Variants in LYST observed in about 807,000 individuals in gnomAD.
LYST encodes lysosomal-trafficking regulator.
A neutral mutation model predicts 413.6 loss-of-function variants in LYST; 192 were observed. That is an observed-to-expected ratio of 0.46 (90% CI 0.41 to 0.52). The LOEUF is 0.52. Among genes scored for constraint, LYST ranks in the 20% least tolerant of loss-of-function variants. The pLI, the probability that LYST is intolerant of heterozygous loss-of-function variation, is 0.00. For missense variants in LYST, 3,815 were observed against 4,499.9 expected (o/e 0.85, Z 4.35); for synonymous variants, 1,525 against 1,567.3 (o/e 0.97, Z 0.64).
At chr1:235,754,224 CTTTTCTTTTTTTTTTT>C (rs1558192401) in intron 25 of LYST, among the ~76,000 whole-genome samples, 3 of 111,362 alleles carry the variant, frequency 2.7e-5, no homozygotes. Flanking sequence ...TTTTTCTTTT[CTTTTCTTTTTTTTTTT>C]TTTTTTTTTG....
Position 235,829,484 on chromosome 1 carries a change from A to G in LYST, c.192+742T>C, listed in dbSNP as rs190280065. 49 of 152,324 alleles carry G rather than the reference A, an allele frequency of 3.2e-4. No individual in the cohort carries two copies. The East Asian group carries it at 6.7e-3, about 21-fold the overall frequency. 9.4% of individuals were successfully genotyped at this position (152,324 alleles called of 1,614,324 possible). ...CACTTCATTATTTTTTCAACTAACT[A>G]TATTAATTAGTTCCCTGAAAGCAGA... On this transcript the variant is annotated intron_variant, in intron 3 of 52. Transcript: ENST00000389793.
intron 14 of LYST, among the ~76,000 whole-genome samples, chr1:235,786,659 T>A (rs575210211): frequency 6.6e-6 from 1 of 151,968 alleles, no homozygotes; most frequent in East Asian, 1.9e-4. Context: ...CAAATGTCCA[T>A]CAATGATAGA....
At chr1:235,663,913 T>C (rs1370004373) in intron 52 of LYST, 71 bp downstream of exon 52, 1 of 1,283,704 alleles carries the variant, frequency 7.8e-7, no homozygotes, top group Non-Finnish European at 1.1e-6. Context: ...GTCTGTGTGC[T>C]TAAATACCTC....
chr1:235,693,342 G>T lies in LYST; in HGVS notation c.10701+8C>A, dbSNP rs760919824. 6.3e-7 allele frequency: 1 copy of T among 1,582,632 alleles called. No homozygotes were observed. The highest frequency in any genetic ancestry group is 1.1e-5 in the South Asian group (1 of 90,394). On this transcript the variant is annotated splice_region_variant and intron_variant, in intron 47 of 52. Coordinates refer to ENST00000389793, the MANE Select transcript of LYST (RefSeq NM_000081.4). ...AAATAAATAAATAAAATAAAATAAAGTGTTTACCTGGTACTGTTGTGAACT... is the reference window on the plus strand; with the variant it reads ...AAATAAATAAATAAAATAAAATAAATTGTTTACCTGGTACTGTTGTGAACT...
intron 3 of LYST, among the ~76,000 whole-genome samples, chr1:235,821,069 TA>T (rs1360351326): frequency 1.3e-5 from 2 of 152,242 alleles, no homozygotes; most frequent in African/African-American, 4.8e-5. Context: ...TACATGTATT[TA>T]AAACATAATA....
intron 16 of LYST, among the ~76,000 whole-genome samples, chr1:235,778,021 C>CA (rs1669457977): frequency 6.7e-6 from 1 of 150,304 alleles, no homozygotes. Context: ...CTCCTAGGCT[C>CA]AAGGGATCCT....
chr1:235,673,147 A>G (rs1659086075), intron 50 of LYST, among the ~76,000 whole-genome samples: 1 of 152,208 alleles, frequency 6.6e-6, no homozygotes, highest in Non-Finnish European at 1.5e-5. Context: ...CCCTCTTCAA[A>G]GCCATGGACC....
rs187871755 is a variant in LYST, at chr1:235,676,514, C to T, written c.11038+577G>A. 4.7e-4 allele frequency among the ~76,000 whole-genome samples: 72 copies of T among 152,298 alleles called. No homozygotes were observed. The East Asian group carries it at 0.013, about 27-fold the overall frequency. On this transcript the variant is annotated intron_variant, in intron 50 of 52. Transcript: ENST00000389793. Reference sequence around the variant, plus strand: ...ATAAGGAAGTTCCTTCTGCTTTAATCCTCTAAGGAAAGTAACTGTGGAATG... The same window carrying T: ...ATAAGGAAGTTCCTTCTGCTTTAATTCTCTAAGGAAAGTAACTGTGGAATG...
intron 1 of LYST, among the ~76,000 whole-genome samples, chr1:235,878,861 C>T (rs1040657939): frequency 1.7e-4 from 26 of 152,276 alleles, no homozygotes; most frequent in African/African-American, 6.0e-4. Context: ...ATCTAATGAA[C>T]ACAGTTCTTT....
upstream of LYST, chr1:235,883,651 G>A (rs542961843): frequency 1.3e-5 from 2 of 152,586 alleles, no homozygotes; most frequent in South Asian, 2.1e-4. Flanking sequence ...TTGCTTTTTC[G>A]TTTGGTAACG....
chr1:235,835,426 A>C (rs766666036), intron 1 of LYST, among the ~76,000 whole-genome samples: 1 of 152,184 alleles, frequency 6.6e-6, no homozygotes, highest in Non-Finnish European at 1.5e-5. Flanking sequence ...TGGCCGTAAG[A>C]AGTGAAAGCT....
At chr1:235,838,036 G>A (rs185013607) in intron 1 of LYST, among the ~76,000 whole-genome samples, 15 of 152,266 alleles carry the variant, frequency 9.9e-5, no homozygotes, top group Admixed American at 2.6e-4. Context: ...AACAGTGGCA[G>A]TTCATCTAAT....
chr1:235,679,589 G>A (rs1021790068), intron 48 of LYST, among the ~76,000 whole-genome samples: 2 of 151,976 alleles, frequency 1.3e-5, no homozygotes, highest in East Asian at 1.9e-4. Flanking sequence ...TTACTTGTAG[G>A]AATTCCTCTA....
At chr1:235,701,903 A>G (rs1329190149) in intron 45 of LYST, among the ~76,000 whole-genome samples, 1 of 152,228 alleles carries the variant, frequency 6.6e-6, no homozygotes, top group Non-Finnish European at 1.5e-5. Context: ...AATAATTTAT[A>G]TCCAGTGTTC....
intron 44 of LYST, 100 bp downstream of exon 44, chr1:235,708,991 T>G: frequency 1.9e-6 from 2 of 1,034,850 alleles, no homozygotes; most frequent in Non-Finnish European, 3.0e-6. Flanking sequence ...CAATTCTCTT[T>G]GATAACTTGA....
In LYST at chr1:235,808,731, T is replaced by A; in HGVS notation, c.2087A>T (p.Tyr696Phe). The change falls in exon 5 of 53, where the codon TAT (tyrosine) becomes TTT (phenylalanine). Residue 696 changes from tyrosine to phenylalanine, a missense_variant. Transcript: ENST00000389793. ...LLWKWDALKA[Y>F]QNFVFEEDRL... ...GTCTTCTTCAAAAACAAAGTTCTGATAAGCCTTTAAAGCATCCCATTTCCA... is the reference window on the plus strand; with the variant it reads ...GTCTTCTTCAAAAACAAAGTTCTGAAAAGCCTTTAAAGCATCCCATTTCCA... 4 of 1,614,042 alleles carry A rather than the reference T, an allele frequency of 2.5e-6. No individual in the cohort carries two copies. Among genetic ancestry groups the A allele is most frequent in the Non-Finnish European group, 3.4e-6 (4 of 1,179,992 alleles).
At chr1:235,754,602 TTTTA>T (rs755941997) in intron 25 of LYST, among the ~76,000 whole-genome samples, 2 of 152,220 alleles carry the variant, frequency 1.3e-5, no homozygotes, top group Admixed American at 1.3e-4. Flanking sequence ...CTGATGCAGC[TTTTA>T]TTTGTTTCTA....
At chr1:235,807,142 A>G (rs1672935316) in intron 5 of LYST, among the ~76,000 whole-genome samples, 1 of 152,222 alleles carries the variant, frequency 6.6e-6, no homozygotes, top group Non-Finnish European at 1.5e-5. Context: ...CCCTGAGGGC[A>G]GGCAAGCACG....
intron 3 of LYST, among the ~76,000 whole-genome samples, chr1:235,819,475 A>G (rs2102942427): frequency 6.6e-6 from 1 of 152,264 alleles, no homozygotes; most frequent in African/African-American, 2.4e-5. Context: ...CTTTGTACAC[A>G]CAATAGTCAC....
Sources: gnomAD v4.1 joint callset for allele counts (sites outside exome capture counted in the v4.1 genomes callset) on GRCh38, gnomAD v4.1.1 for gene constraint, MANE v1.5 for transcripts, NCBI Gene and HGNC (gene_info 2026-07-23, HGNC 2026-07-21) for gene names.